The following GRIK1 variants were observed in gnomAD, a reference collection of about 807,000 sequenced individuals.
The protein encoded by GRIK1 is glutamate receptor ionotropic, kainate 1.
Under a neutral mutation model 105.7 loss-of-function variants are expected in GRIK1, and 69 were observed. The observed-to-expected ratio is 0.65, with a 90% confidence interval of 0.54 to 0.80. The LOEUF is 0.80. Among genes scored for constraint, GRIK1 ranks in the 30% least tolerant of loss-of-function variants. The pLI, the probability that GRIK1 is intolerant of heterozygous loss-of-function variation, is 0.00. For missense variants in GRIK1, 1,109 were observed against 1,167.3 expected (o/e 0.95, Z 0.73); for synonymous variants, 438 against 431.3 (o/e 1.02, Z -0.19).
At chr21:29,667,920 A>C (rs1411865443) in intron 4 of GRIK1, among the ~76,000 whole-genome samples, 1 of 152,238 alleles carries the variant, frequency 6.6e-6, no homozygotes, top group African/African-American at 2.4e-5. Context: ...ACGGTTTCTT[A>C]ATAGTATAGG....
intron 8 of GRIK1, among the ~76,000 whole-genome samples, chr21:29,597,970 T>G (rs2061448567): frequency 6.6e-6 from 1 of 152,142 alleles, no homozygotes; most frequent in Admixed American, 6.5e-5. Flanking sequence ...CCAAAGCCAC[T>G]CTTACATTAA....
chr21:29,771,795 C>A lies in GRIK1; in HGVS notation c.119-77732G>T, dbSNP rs115619919. On this transcript the variant is annotated intron_variant, in intron 1 of 17. Coordinates refer to ENST00000327783, the MANE Select transcript of GRIK1 (RefSeq NM_001330994.2). ...ACCAGTAGTGAAAATATTGAAAATACTGCTGTATTGCCAGCTGGCAAATAG... is the reference window on the plus strand; with the variant it reads ...ACCAGTAGTGAAAATATTGAAAATAATGCTGTATTGCCAGCTGGCAAATAG... Among the ~76,000 whole-genome samples, 711 of 152,330 alleles carry A rather than the reference C, an allele frequency of 4.7e-3. 3 individuals carry two copies. The highest frequency in any genetic ancestry group is 0.024 in the Middle Eastern group (7 of 294).
intron 7 of GRIK1, among the ~76,000 whole-genome samples, chr21:29,624,399 A>T (rs2146446282): frequency 1.3e-5 from 2 of 152,314 alleles, no homozygotes; most frequent in South Asian, 4.1e-4. Context: ...TTTAGAAGGG[A>T]GGAAAAAGGC....
intron 1 of GRIK1, among the ~76,000 whole-genome samples, chr21:29,883,577 T>C (rs1190389673): frequency 1.3e-5 from 2 of 151,980 alleles, no homozygotes; most frequent in Admixed American, 1.3e-4. Context: ...AAAAGCTTAT[T>C]AGACCTTCCA....
chr21:29,816,389 G>T (rs143426643), intron 1 of GRIK1, among the ~76,000 whole-genome samples: 185 of 151,940 alleles, frequency 1.2e-3, no homozygotes, highest in African/African-American at 4.3e-3. Context: ...ACAGTATAGC[G>T]ATTTCTCAAC....
At chr21:29,690,711 A>G (rs921560860) in intron 2 of GRIK1, among the ~76,000 whole-genome samples, 2 of 152,168 alleles carry the variant, frequency 1.3e-5, no homozygotes, top group African/African-American at 4.8e-5. Context: ...CATCAAGTCA[A>G]TATCTACTGA....
chr21:29,551,649 G>C (rs1199241328), intron 16 of GRIK1, among the ~76,000 whole-genome samples: 1 of 151,898 alleles, frequency 6.6e-6, no homozygotes, highest in East Asian at 1.9e-4. Flanking sequence ...ACTTTTGAAA[G>C]AGATCATTTC....
intron 16 of GRIK1, among the ~76,000 whole-genome samples, chr21:29,550,515 A>T (rs966800462): frequency 6.6e-6 from 1 of 152,228 alleles, no homozygotes; most frequent in African/African-American, 2.4e-5. Context: ...TGAAAAAATT[A>T]CCATTGTCAT....
chr21:29,845,551 A>G (rs1366784596), intron 1 of GRIK1, among the ~76,000 whole-genome samples: 1 of 150,452 alleles, frequency 6.6e-6, no homozygotes, highest in Non-Finnish European at 1.5e-5. Flanking sequence ...TTTTTTTCTT[A>G]TTTCTCATTT....
chr21:29,848,779 A>ATATATATATATTTTTTT, intron 1 of GRIK1, among the ~76,000 whole-genome samples: 4 of 77,882 alleles, frequency 5.1e-5, no homozygotes, highest in African/African-American at 2.3e-4. Context: ...ATATATATAT[A>ATATATATATATTTTTTT]TTTTTTTTTT....
At chr21:29,878,138 C>G (rs1349152780) in intron 1 of GRIK1, among the ~76,000 whole-genome samples, 1 of 151,942 alleles carries the variant, frequency 6.6e-6, no homozygotes, top group Non-Finnish European at 1.5e-5. Flanking sequence ...TTAGAAAGTA[C>G]AATTTAGAGA....
Position 29,561,541 on chromosome 21 carries a change from A to G in GRIK1, c.2356+83T>C. On this transcript the variant is annotated intron_variant, in intron 15 of 17. Coordinates refer to ENST00000327783, the MANE Select transcript of GRIK1 (RefSeq NM_001330994.2). The stretch of plus-strand genomic sequence containing the variant: ...ATTGTAGGCCTTCTCAGAATTTGGA[A>G]TAAAGAACTCTGAGCCCATTGCCTT... 3 of 851,670 alleles carry G rather than the reference A, an allele frequency of 3.5e-6. No individual in the cohort carries two copies. The Admixed American group carries it at 5.6e-5, about 16-fold the overall frequency. 52.8% of individuals were successfully genotyped at this position (851,670 alleles called of 1,614,324 possible).
At position 29,782,290 on chromosome 21, in the gene GRIK1, G is replaced by T. The variant is rs888668230; in HGVS notation, c.119-88227C>A. 5.3e-5 allele frequency among the ~76,000 whole-genome samples: 8 copies of T among 151,960 alleles called. No individual in the cohort carries two copies. The East Asian group carries it at 1.6e-3, about 30-fold the overall frequency. On this transcript the variant is annotated intron_variant, in intron 1 of 17. Coordinates refer to ENST00000327783, the MANE Select transcript of GRIK1 (RefSeq NM_001330994.2). Reference sequence around the variant, plus strand: ...TTTAGTAGAGACAGGGTTTCACCGTGTTAGCCAGGATGGTCTCGATCTCCT... The same window carrying T: ...TTTAGTAGAGACAGGGTTTCACCGTTTTAGCCAGGATGGTCTCGATCTCCT...
At chr21:29,827,974 G>GGTCTCTCT (rs1569136953) in intron 1 of GRIK1, among the ~76,000 whole-genome samples, 4 of 111,306 alleles carry the variant, frequency 3.6e-5, no homozygotes, top group African/African-American at 1.2e-4. Context: ...ATATAGTTAG[G>GGTCTCTCT]ATCTCTCTCT....
chr21:29,628,400 A>G (rs1389739698), intron 7 of GRIK1, among the ~76,000 whole-genome samples: 1 of 152,222 alleles, frequency 6.6e-6, no homozygotes, highest in African/African-American at 2.4e-5. Flanking sequence ...TTATCTTGCA[A>G]TAACAGCTTG....
chr21:29,599,894 G>A (rs1200862255), intron 7 of GRIK1, among the ~76,000 whole-genome samples: 6 of 152,206 alleles, frequency 3.9e-5, no homozygotes, highest in Non-Finnish European at 7.3e-5. Flanking sequence ...AGACCATCCT[G>A]GCTAACACGG....
chr21:29,680,270 C>A (rs2063345587), intron 3 of GRIK1, among the ~76,000 whole-genome samples: 1 of 152,178 alleles, frequency 6.6e-6, no homozygotes, highest in African/African-American at 2.4e-5. Context: ...TGTCACCACA[C>A]AAATGGAGAT....
intron 1 of GRIK1, among the ~76,000 whole-genome samples, chr21:29,776,994 G>A (rs2065962379): frequency 6.6e-6 from 1 of 152,108 alleles, no homozygotes; most frequent in Non-Finnish European, 1.5e-5. Context: ...AGAAAGGGAA[G>A]TACAAGACTG....
intron 6 of GRIK1, among the ~76,000 whole-genome samples, chr21:29,648,422 G>A (rs1289208976): frequency 6.6e-6 from 1 of 151,984 alleles, no homozygotes; most frequent in African/African-American, 2.4e-5. Flanking sequence ...TTGTTTATAG[G>A]AACTCTCTGC....
Sources: gnomAD v4.1 joint callset for allele counts (sites outside exome capture counted in the v4.1 genomes callset) on GRCh38, gnomAD v4.1.1 for gene constraint, MANE v1.5 for transcripts, NCBI Gene and HGNC (gene_info 2026-07-23, HGNC 2026-07-21) for gene names.